GANAB: variants seen among roughly 807,000 people sequenced by gnomAD.
The protein encoded by GANAB is glucosidase II alpha subunit, also known as neutral alpha-glucosidase AB.
In GANAB, 35 loss-of-function variants were observed where a neutral mutation model predicts 129.9. The observed-to-expected ratio is 0.27, with a 90% CI of 0.21 to 0.36. GANAB has a LOEUF of 0.36. Ranked by LOEUF, GANAB falls within the 10% of genes least tolerant of loss-of-function variation. The pLI is 1.00. For missense variants in GANAB, 939 were observed against 1,221.0 expected, an observed-to-expected ratio of 0.77 and a Z score of 3.44; for synonymous variants, 482 against 451.8, an observed-to-expected ratio of 1.07 and a Z score of -0.85.
chr11:62,638,051 G>A (rs970590221), intron 4 of GANAB, among the ~76,000 whole-genome samples: 1 of 152,068 alleles, frequency 6.6e-6, no homozygotes, highest in African/African-American at 2.4e-5. Context: ...ACAACTGTAA[G>A]AACAAAAAAA....
At chr11:62,645,522 C>A (rs938834559) in intron 1 of GANAB, among the ~76,000 whole-genome samples, 1 of 126,446 alleles carries the variant, frequency 7.9e-6, no homozygotes, top group East Asian at 2.3e-4. Context: ...GGCAACAGAG[C>A]GAGACTCTGT....
intron 8 of GANAB, 68 bp from the exon 9 acceptor site, chr11:62,632,813 C>A: frequency 8.0e-7 from 1 of 1,257,428 alleles, no homozygotes; most frequent in South Asian, 1.2e-5. Context: ...AACACCACTC[C>A]ACAGACACAG....
In GANAB at chr11:62,627,200, G is replaced by T. The variant is rs1943434065; in HGVS notation, c.2246-76C>A. On this transcript the variant is annotated intron_variant, in intron 18 of 23. Transcript: ENST00000356638. ...GGGAACACCAAAGTGCCTGCCCTCT[G>T]CACCACCAGCTTCACTAGTCCCTCC... 4 of 1,425,892 alleles carry T rather than the reference G, an allele frequency of 2.8e-6. No individual in the cohort carries two copies. The African/African-American group carries it at 4.2e-5, about 15-fold the overall frequency. The allele number at this position is 1,425,892 out of a possible 1,614,324, so 88.3% of individuals were successfully genotyped here. A position where few individuals can be genotyped will look rare whatever the true frequency, so the allele number is the denominator to read the frequency against.
intron 9 of GANAB, among the ~76,000 whole-genome samples, 194 bp downstream of exon 9, chr11:62,632,371 A>G (rs1219071928): frequency 6.6e-6 from 1 of 152,194 alleles, no homozygotes; most frequent in Non-Finnish European, 1.5e-5. Context: ...GTCAGCCCAG[A>G]ATAGGCAATG....
rs2276298 is a variant in GANAB, at chr11:62,629,022, G to A, written c.1937-10C>T. 1.8e-4 allele frequency: 282 copies of A among 1,610,102 alleles called. 2 individuals are homozygous for A. In the East Asian group the frequency reaches 5.4e-3, roughly 31 times the overall value. ...AAGCCACCCACATCCGCTGGTAGAG[G>A]AGAGAGAGGAAGCAGGTTGGAAAAG... On this transcript the variant is annotated splice_polypyrimidine_tract_variant and intron_variant, in intron 16 of 23. Coordinates refer to ENST00000356638, the MANE Select transcript of GANAB (RefSeq NM_198334.3).
Position 62,634,880 on chromosome 11 carries a change from CA to C in GANAB, c.500del (p.Leu167CysfsTer100). ...RLDLLEDRSL[L>X]LSVNARGLLE... ...AGAGTCCTCGGGCATTGACACTAAG[CA>C]AAAGACTTCGGTCCTCTAGTAGGTC... On this transcript the variant is annotated frameshift_variant, in exon 5 of 24. Transcript: ENST00000356638. LOFTEE classifies it high-confidence loss of function. 6.2e-7 allele frequency: 1 copy of C among 1,614,112 alleles called. No individual in the cohort carries two copies. The highest frequency in any genetic ancestry group is 8.5e-7 in the Non-Finnish European group (1 of 1,179,952).
chr11:62,630,817 T>C lies in GANAB; in HGVS notation c.1170A>G (p.Pro390=). The C allele has an allele frequency of 6.2e-7, 1 of 1,611,530 alleles. No individual in the cohort carries two copies. The highest frequency in any genetic ancestry group is 8.5e-7 in the Non-Finnish European group (1 of 1,179,282). Residue 390 remains proline (P), a synonymous_variant, in exon 11 of 24, where the codon CCA becomes CCG. Coordinates refer to ENST00000356638, the MANE Select transcript of GANAB (RefSeq NM_198334.3). ...TCTGGTGGTAGCCGAGGGAGAAGAGTGGGGGCAACGCCTGGGTTCCTGCAG... is the reference window on the plus strand; with the variant it reads ...TCTGGTGGTAGCCGAGGGAGAAGAGCGGGGGCAACGCCTGGGTTCCTGCAG... ...ASLTGTQALP[P]LFSLGYHQSR...
intron 15 of GANAB, 115 bp from the exon 16 acceptor site, chr11:62,629,410 C>G (rs551097477): frequency 2.4e-5 from 21 of 867,598 alleles, no homozygotes; most frequent in Non-Finnish European, 4.0e-5. Context: ...ATGCAGTTCA[C>G]AAGAACATTT....
At chr11:62,632,150 T>A (rs1943718983) in intron 9 of GANAB, among the ~76,000 whole-genome samples, 1 of 151,594 alleles carries the variant, frequency 6.6e-6, no homozygotes, top group African/African-American at 2.4e-5. Flanking sequence ...ATTTTTGTTT[T>A]TCTAGTAGAG....
At position 62,634,873 on chromosome 11, in the gene GANAB, C is replaced by T; in HGVS notation, c.508G>A (p.Val170Ile). ...AACTCCAAGAGTCCTCGGGCATTGA[C>T]ACTAAGCAAAAGACTTCGGTCCTCT... ...LLEDRSLLLSVNARGLLEFEH... is the reference protein window; with the variant it reads ...LLEDRSLLLSINARGLLEFEH... Residue 170 changes from valine (V) to isoleucine (I), a missense_variant, in exon 5 of 24, where the codon GTC becomes ATC. Physicochemically the swap from Val to Ile is conservative, Grantham distance 29. Coordinates refer to ENST00000356638, the MANE Select transcript of GANAB (RefSeq NM_198334.3). 2 of 1,614,148 alleles carry T rather than the reference C, an allele frequency of 1.2e-6. No homozygotes were observed. Among genetic ancestry groups the T allele is most frequent in the Non-Finnish European group, 8.5e-7 (1 of 1,179,994 alleles).
intron 17 of GANAB, 27 bp from the exon 18 acceptor site, chr11:62,627,380 A>G (rs2134461959): frequency 2.3e-6 from 3 of 1,332,252 alleles, no homozygotes. Context: ...ACAATAAAGG[A>G]AAACTTTTCA....
intron 18 of GANAB, 53 bp from the exon 19 acceptor site, chr11:62,627,177 G>C: frequency 6.6e-7 from 1 of 1,507,770 alleles, no homozygotes; most frequent in Non-Finnish European, 9.2e-7. Flanking sequence ...CCAGAACAGG[G>C]AACACCAAAG....
rs766710963 is a variant in GANAB at position 62,631,165 on chromosome 11, T to C, written c.1015A>G (p.Met339Val). Residue 339 changes from methionine to valine, a missense_variant, in exon 10 of 24, where the codon ATG becomes GTG. Met to Val is a conservative substitution (Grantham distance 21). This residue lies in a region of GANAB where 220 missense variants were observed against 295.9 expected (regional missense o/e 0.74). Coordinates refer to ENST00000356638, the MANE Select transcript of GANAB (RefSeq NM_198334.3). Reference protein sequence around the residue: ...TAGKTLFGKMMDYLQGSGETP... With the variant: ...TAGKTLFGKMVDYLQGSGETP... ...TCCCCAGAGCCCTGCAGGTAGTCCA[T>C]CATCTTCCCAAACAGGGTCTGTATA... The C allele has an allele frequency of 1.3e-6, 2 of 1,592,776 alleles. No homozygotes were observed. The highest frequency in any genetic ancestry group is 1.7e-5 in the Admixed American group (1 of 59,460).
chr11:62,644,527 C>T (rs1326497828), intron 1 of GANAB, among the ~76,000 whole-genome samples: 1 of 151,126 alleles, frequency 6.6e-6, no homozygotes, highest in African/African-American at 2.4e-5. Context: ...AGGCTGAAGC[C>T]GGAGGACTGC....
chr11:62,638,133 G>A (rs904757444), intron 4 of GANAB, among the ~76,000 whole-genome samples: 4 of 152,156 alleles, frequency 2.6e-5, no homozygotes, highest in East Asian at 3.8e-4. Context: ...AGGACAGTGC[G>A]GGTTGGGCTG....
intron 9 of GANAB, 107 bp from the exon 10 acceptor site, chr11:62,631,290 T>C (rs968925535): frequency 9.2e-7 from 1 of 1,082,982 alleles, no homozygotes; most frequent in Non-Finnish European, 1.3e-6. Flanking sequence ...AGCTGGCTCA[T>C]GTAAGCTGCT....
In GANAB at chr11:62,645,294, T is replaced by C. The variant is rs530503999; in HGVS notation, c.38+1268A>G. 1.0e-3 allele frequency among the ~76,000 whole-genome samples: 154 copies of C among 152,198 alleles called. 2 individuals carry two copies. The Middle Eastern group carries it at 0.01, about 10-fold the overall frequency. The stretch of plus-strand genomic sequence containing the variant: ...GCTCACGCCTGTAATCCCAGCACTT[T>C]GGGAGGCCGAGGCGGGTGGATCACG... On this transcript the variant is annotated intron_variant, in intron 1 of 23. Transcript: ENST00000356638.
chr11:62,640,767 A>C (rs991159076), intron 1 of GANAB, among the ~76,000 whole-genome samples: 1 of 137,044 alleles, frequency 7.3e-6, no homozygotes, highest in Non-Finnish European at 1.5e-5. Flanking sequence ...TGGGAGGTGG[A>C]GCTTGCAGTG....
intron 5 of GANAB, chr11:62,634,547 T>C (rs1427777037): frequency 1.6e-6 from 1 of 627,604 alleles, no homozygotes; most frequent in Admixed American, 2.7e-5. Flanking sequence ...AATGTGATGA[T>C]GTGAGAAGGG....
Sources: gnomAD v4.1 joint callset for allele counts (sites outside exome capture counted in the v4.1 genomes callset) on GRCh38, gnomAD v4.1.1 for gene constraint, gnomAD v4.1.1 regional missense constraint, MANE v1.5 for transcripts, NCBI Gene and HGNC (gene_info 2026-07-23, HGNC 2026-07-21) for gene names.